The following GTF2F2 variants were observed in gnomAD, a reference collection of about 807,000 sequenced individuals.
GTF2F2 encodes ATP-dependent helicase GTF2F2.
GTF2F2 carries 23 observed loss-of-function variants against 42.2 expected under a neutral mutation model. The observed-to-expected ratio is 0.55, with a 90% CI of 0.39 to 0.77. The LOEUF (loss-of-function observed/expected upper bound fraction) is 0.77, where lower values mean the gene tolerates loss of function less well. Ranked by LOEUF, GTF2F2 falls within the 30% of genes least tolerant of loss-of-function variation. The pLI is 0.00. For synonymous variants in GTF2F2, 105 were observed against 100.8 expected (o/e 1.04, Z -0.25); for missense variants, 261 against 287.2 (o/e 0.91, Z 0.66).
chr13:45,248,616 G>A (rs529136519), intron 5 of GTF2F2, among the ~76,000 whole-genome samples: 2 of 152,246 alleles, frequency 1.3e-5, no homozygotes, highest in East Asian at 3.9e-4. Context: ...TGGGATTACA[G>A]GCGCCTGCCA....
intron 1 of GTF2F2, among the ~76,000 whole-genome samples, chr13:45,126,353 G>A (rs1166008869): frequency 6.7e-6 from 1 of 148,428 alleles, no homozygotes; most frequent in African/African-American, 2.5e-5. Context: ...CCGGCTTCAA[G>A]CGATTCTCCT....
At chr13:45,131,022 G>A (rs1285065561) in intron 1 of GTF2F2, among the ~76,000 whole-genome samples, 1 of 152,140 alleles carries the variant, frequency 6.6e-6, no homozygotes, top group Non-Finnish European at 1.5e-5. Flanking sequence ...GGAGGCTGAG[G>A]TGGGCGGATC....
intron 1 of GTF2F2, among the ~76,000 whole-genome samples, chr13:45,131,897 C>CAA (rs765260379): frequency 0.062 from 3,180 of 51,600 alleles, 124 homozygotes; most frequent in Non-Finnish European, 0.084. Context: ...GACCCTGTCT[C>CAA]AAAAAAAAAA....
rs543552796 is a variant in GTF2F2 at position 45,243,965 on chromosome 13, T to G, written c.387-8906T>G. On this transcript the variant is annotated intron_variant, in intron 5 of 7. Coordinates refer to ENST00000340473, the MANE Select transcript of GTF2F2 (RefSeq NM_004128.3). ...CGTGAGCCACTGCGCCCTGCCAGTTTTTTGTTTTTTTAAACAAATATTTTC... is the reference window on the plus strand; with the variant it reads ...CGTGAGCCACTGCGCCCTGCCAGTTGTTTGTTTTTTTAAACAAATATTTTC... Among the ~76,000 whole-genome samples, 7 of 152,342 alleles carry G rather than the reference T, an allele frequency of 4.6e-5. No homozygotes were observed. The South Asian group carries it at 1.5e-3, about 32-fold the overall frequency.
At chr13:45,125,979 G>T (rs893498032) in intron 1 of GTF2F2, among the ~76,000 whole-genome samples, 1 of 152,154 alleles carries the variant, frequency 6.6e-6, no homozygotes, top group Non-Finnish European at 1.5e-5. Context: ...AAGTGGGCGT[G>T]ACCTTGAGCA....
At chr13:45,194,748 G>A (rs745561567) in intron 4 of GTF2F2, 16 of 600,856 alleles carry the variant, frequency 2.7e-5, no homozygotes, top group Middle Eastern at 4.5e-4. Context: ...ATGTATGCAG[G>A]AGCTTTCTGG....
At chr13:45,190,519 A>G (rs976059069) in intron 4 of GTF2F2, among the ~76,000 whole-genome samples, 23 of 152,118 alleles carry the variant, frequency 1.5e-4, no homozygotes, top group African/African-American at 5.1e-4. Flanking sequence ...ACCTCTTTAT[A>G]ACTATGTAAT....
intron 4 of GTF2F2, among the ~76,000 whole-genome samples, chr13:45,196,465 A>T (rs1464488961): frequency 6.6e-6 from 1 of 152,236 alleles, no homozygotes; most frequent in African/African-American, 2.4e-5. Flanking sequence ...AATACTGAAT[A>T]GATTTTGAGG....
At chr13:45,213,864 CG>C (rs1873792863) in intron 5 of GTF2F2, among the ~76,000 whole-genome samples, 1 of 152,034 alleles carries the variant, frequency 6.6e-6, no homozygotes, top group African/African-American at 2.4e-5. Context: ...CACATGTGCA[CG>C]TGTCTCTTGC....
chr13:45,182,618 G>A (rs1406263385), intron 4 of GTF2F2, among the ~76,000 whole-genome samples: 2 of 152,062 alleles, frequency 1.3e-5, no homozygotes, highest in Non-Finnish European at 2.9e-5. Context: ...TTGCTTACTT[G>A]ATGTAAAAAT....
At chr13:45,274,877 AC>A (rs1876963102) in intron 7 of GTF2F2, among the ~76,000 whole-genome samples, 1 of 151,730 alleles carries the variant, frequency 6.6e-6, no homozygotes, top group Non-Finnish European at 1.5e-5. Context: ...GTGCCACTGT[AC>A]CCCAGCCTGA....
At chr13:45,139,274 C>T (rs937356441) in intron 2 of GTF2F2, among the ~76,000 whole-genome samples, 4 of 152,152 alleles carry the variant, frequency 2.6e-5, no homozygotes, top group African/African-American at 9.7e-5. Context: ...CATTTCTTAG[C>T]TGTGTCTCAT....
chr13:45,184,673 A>T (rs1872332739), intron 4 of GTF2F2, among the ~76,000 whole-genome samples: 1 of 152,140 alleles, frequency 6.6e-6, no homozygotes, highest in Non-Finnish European at 1.5e-5. Context: ...ATTCTACCTC[A>T]ACTTTTCTTT....
intron 2 of GTF2F2, among the ~76,000 whole-genome samples, chr13:45,139,616 A>G (rs114666566): frequency 3.2e-3 from 485 of 151,772 alleles, no homozygotes; most frequent in African/African-American, 0.011. Context: ...TATCTCCCTT[A>G]CCCTCTTATT....
intron 6 of GTF2F2, among the ~76,000 whole-genome samples, chr13:45,253,257 T>C (rs1446172010): frequency 2.6e-5 from 4 of 152,184 alleles, no homozygotes; most frequent in Non-Finnish European, 5.9e-5. Context: ...TTCTCAATGT[T>C]GCAATGTTGC....
At chr13:45,134,206 A>G (rs1044360744) in intron 1 of GTF2F2, among the ~76,000 whole-genome samples, 1 of 152,030 alleles carries the variant, frequency 6.6e-6, no homozygotes. Flanking sequence ...GGTATTGACT[A>G]CCCTTCCGCA....
chr13:45,232,445 A>G (rs1045800816), intron 5 of GTF2F2, among the ~76,000 whole-genome samples: 2 of 152,008 alleles, frequency 1.3e-5, no homozygotes, highest in Admixed American at 6.6e-5. Flanking sequence ...TGGGTAACAC[A>G]GTGAGATCTT....
chr13:45,272,211 T>G (rs1444664368), intron 7 of GTF2F2, among the ~76,000 whole-genome samples: 6 of 151,068 alleles, frequency 4.0e-5, no homozygotes, highest in Non-Finnish European at 3.0e-5. Context: ...AATAGAGCCT[T>G]AATTAAAAGT....
intron 4 of GTF2F2, among the ~76,000 whole-genome samples, chr13:45,165,330 T>G (rs1419507860): frequency 5.4e-5 from 7 of 128,770 alleles, no homozygotes; most frequent in Non-Finnish European, 1.2e-4. Flanking sequence ...TATATATATA[T>G]ATTTTTTTTT....
Sources: gnomAD v4.1 joint callset for allele counts (sites outside exome capture counted in the v4.1 genomes callset) on GRCh38, gnomAD v4.1.1 for gene constraint, MANE v1.5 for transcripts, NCBI Gene and HGNC (gene_info 2026-07-23, HGNC 2026-07-21) for gene names.